DCX: variants seen among roughly 807,000 people sequenced by gnomAD.
DCX encodes the protein neuronal migration protein doublecortin.
In DCX, 4 loss-of-function variants were observed where a neutral mutation model predicts 20.9. The observed-to-expected ratio is 0.19, with a 90% CI of 0.09 to 0.44. DCX has a LOEUF of 0.44. DCX is among the 20% of genes least tolerant of loss of function. DCX has a pLI of 0.99. For missense variants in DCX, 133 were observed against 296.9 expected (o/e 0.45, Z 4.06); for synonymous variants, 103 against 111.4 (o/e 0.92, Z 0.47).
chrX:111,359,944 A>C (rs902687713), intron 3 of DCX, among the ~76,000 whole-genome samples: 1 of 112,013 alleles, frequency 8.9e-6, no homozygotes, highest in South Asian at 3.7e-4. Flanking sequence ...ATTTGGCAGA[A>C]TCTATCAAAA....
In DCX at chrX:111,316,098, A is replaced by ATAAATAAAT. The variant is rs1569486400; in HGVS notation, c.947-3363_947-3362insATTTATTTA. Among the ~76,000 whole-genome samples, 248 of 105,372 alleles carry ATAAATAAAT rather than the reference A, an allele frequency of 2.4e-3. 9 individuals carry two copies. The highest frequency in any genetic ancestry group is 7.7e-3 in the African/African-American group (215 of 27,806). 91.5% of individuals were successfully genotyped at this position (105,372 alleles called of 115,157 possible). On this transcript the variant is annotated intron_variant, in intron 5 of 6. Transcript: ENST00000636035. The stretch of plus-strand genomic sequence containing the variant: ...GTATAATAAAAAATAAAAAAAAAAA[A>ATAAATAAAT]AAAAAAAAAAAATGTTAAGGGTCAT...
At chrX:111,364,126 A>C (rs1412160759) in intron 3 of DCX, among the ~76,000 whole-genome samples, 4 of 112,118 alleles carry the variant, frequency 3.6e-5, no homozygotes, top group Middle Eastern at 4.2e-3. Flanking sequence ...GTTTCTTAGT[A>C]ATGGCAAGTA....
chrX:111,399,860 C>A (rs992925257), intron 3 of DCX, among the ~76,000 whole-genome samples: 7 of 111,374 alleles, frequency 6.3e-5, no homozygotes, highest in African/African-American at 2.3e-4. Context: ...GCTCTCAGAT[C>A]GCAAAATGAT....
chrX:111,378,830 A>G (rs550026277), intron 3 of DCX, among the ~76,000 whole-genome samples: 5 of 111,889 alleles, frequency 4.5e-5, no homozygotes, highest in Middle Eastern at 4.6e-3. Flanking sequence ...GATATTATTA[A>G]TAGTTGGAGC....
intron 3 of DCX, among the ~76,000 whole-genome samples, chrX:111,363,627 C>T (rs1478091388): frequency 1.8e-5 from 2 of 110,861 alleles, no homozygotes; most frequent in Non-Finnish European, 3.8e-5. Flanking sequence ...GTCCTACAAA[C>T]CTCCTAGTTT....
intron 3 of DCX, among the ~76,000 whole-genome samples, chrX:111,362,486 T>C (rs1158721063): frequency 9.0e-6 from 1 of 111,481 alleles, no homozygotes; most frequent in Non-Finnish European, 1.9e-5. Context: ...TTGGCGTAGT[T>C]TTCCTCCTAG....
rs1255480496 is a variant in DCX, at chrX:111,299,443, T to C, written c.*2244A>G. ...AAGGAAATCTGGATTCTTCCTCTGGTCCTGCTCTTTACCAGCCTCCACTTC... is the reference window on the plus strand; with the variant it reads ...AAGGAAATCTGGATTCTTCCTCTGGCCCTGCTCTTTACCAGCCTCCACTTC... On this transcript the variant is annotated 3_prime_UTR_variant, in exon 7 of 7. Coordinates refer to ENST00000636035, the MANE Select transcript of DCX (RefSeq NM_001195553.2). 9.0e-6 allele frequency: 1 copy of C among 111,330 alleles called. No individual in the cohort carries two copies. Among genetic ancestry groups the C allele is most frequent in the African/African-American group, 3.3e-5 (1 of 30,539 alleles). The allele number at this position is 111,330 out of a possible 1,213,427, so 9.2% of individuals were successfully genotyped here.
At chrX:111,408,632 G>GAGAGAGAA (rs1556404489) in intron 2 of DCX, among the ~76,000 whole-genome samples, 1 of 78,006 alleles carries the variant, frequency 1.3e-5, no homozygotes, top group Non-Finnish European at 2.4e-5. Context: ...AGAAAGAAAA[G>GAGAGAGAA]AGAAAGAAAG....
At chrX:111,359,461 T>A (rs1924022884) in intron 3 of DCX, among the ~76,000 whole-genome samples, 1 of 112,028 alleles carries the variant, frequency 8.9e-6, no homozygotes, top group Non-Finnish European at 1.9e-5. Flanking sequence ...AATTTTTTTA[T>A]CATCTTTGGG....
intron 3 of DCX, among the ~76,000 whole-genome samples, chrX:111,372,876 C>T (rs181484543): frequency 3.6e-5 from 4 of 111,416 alleles, no homozygotes; most frequent in Non-Finnish European, 7.5e-5. Context: ...AGACTTCAAG[C>T]TTTGTGGCTC....
rs1353358237 is a variant in DCX at position 111,339,354 on chromosome X, G to A, written c.706-6201C>T. Among the ~76,000 whole-genome samples the A allele has an allele frequency of 7.2e-4, 80 of 110,901 alleles. 6 individuals carry two copies. Among genetic ancestry groups the A allele is most frequent in the Non-Finnish European group, 5.7e-5 (3 of 53,011 alleles). On this transcript the variant is annotated intron_variant, in intron 3 of 6. Transcript: ENST00000636035. ...AAGGCTCTGGATGAATGGGTTAATG[G>A]ATTAATGAGTTACCATGGGAGGAGA...
intron 3 of DCX, among the ~76,000 whole-genome samples, chrX:111,345,756 C>T (rs1021927625): frequency 1.2e-4 from 13 of 111,649 alleles, no homozygotes; most frequent in African/African-American, 4.2e-4. Context: ...TGGGTATATA[C>T]CCAGTAATGG....
intron 3 of DCX, among the ~76,000 whole-genome samples, chrX:111,342,868 A>G (rs1922410231): frequency 9.0e-6 from 1 of 111,243 alleles, no homozygotes; most frequent in African/African-American, 3.3e-5. Context: ...TTGAAATCAA[A>G]GAGAACAAAG....
At chrX:111,312,939 C>T (rs2095060917) in intron 5 of DCX, among the ~76,000 whole-genome samples, 1 of 111,904 alleles carries the variant, frequency 8.9e-6, no homozygotes, top group African/African-American at 3.2e-5. Flanking sequence ...GATCCCTATG[C>T]AGTGCAAGGC....
intron 3 of DCX, among the ~76,000 whole-genome samples, chrX:111,354,574 CT>C (rs1220235578): frequency 8.9e-6 from 1 of 111,948 alleles, no homozygotes; most frequent in Non-Finnish European, 1.9e-5. Context: ...AAAGGCCTTT[CT>C]TTTTATCCTC....
chrX:111,375,060 C>A (rs1165776037), intron 3 of DCX, among the ~76,000 whole-genome samples: 1 of 101,307 alleles, frequency 9.9e-6, no homozygotes, highest in African/African-American at 3.6e-5. Flanking sequence ...ATAACAAAAT[C>A]ATTGAGATGG....
chrX:111,341,041 T>C (rs777131269), intron 3 of DCX, among the ~76,000 whole-genome samples: 1 of 110,784 alleles, frequency 9.0e-6, no homozygotes, highest in African/African-American at 3.3e-5. Flanking sequence ...TTGACAGAAG[T>C]AGGCTTCAGA....
chrX:111,368,901 T>TATATATAC (rs1467693516), intron 3 of DCX, among the ~76,000 whole-genome samples: 1 of 98,265 alleles, frequency 1.0e-5, no homozygotes, highest in African/African-American at 3.8e-5. Flanking sequence ...TATATATACA[T>TATATATAC]ACACACACAC....
intron 6 of DCX, among the ~76,000 whole-genome samples, chrX:111,304,652 A>G (rs1357861853): frequency 1.8e-5 from 2 of 111,646 alleles, no homozygotes; most frequent in African/African-American, 6.5e-5. Flanking sequence ...GACTCAGAGC[A>G]CACTCGCTGT....
Sources: allele counts gnomAD v4.1 joint callset (sites outside exome capture counted in the v4.1 genomes callset), GRCh38; gene constraint gnomAD v4.1.1; transcripts MANE v1.5; gene names NCBI Gene and HGNC (gene_info 2026-07-23, HGNC 2026-07-21).